The following CUX1 variants were observed in gnomAD, a reference collection of about 807,000 sequenced individuals.
CUX1 encodes protein CASP.
A neutral mutation model predicts 158.8 loss-of-function variants in CUX1; 31 were observed. The observed-to-expected ratio is 0.20, with a 90% confidence interval of 0.15 to 0.26. The LOEUF is 0.26. CUX1 is among the 10% of genes least tolerant of loss of function. The pLI, the probability that CUX1 is intolerant of heterozygous loss-of-function variation, is 1.00. For synonymous variants in CUX1, 879 were observed against 862.1 expected (o/e 1.02, Z -0.34); for missense variants, 1,589 against 2,014.6 (o/e 0.79, Z 4.04).
chr7:102,280,378 G>A (rs1554548913), intron 19 of CUX1, among the ~76,000 whole-genome samples: 2 of 152,204 alleles, frequency 1.3e-5, no homozygotes, highest in Non-Finnish European at 2.9e-5. Flanking sequence ...AGGAACACCT[G>A]CCGAGGACTA....
intron 2 of CUX1, among the ~76,000 whole-genome samples, chr7:102,019,601 C>G (rs1819100502): frequency 6.6e-6 from 1 of 152,242 alleles, no homozygotes. Flanking sequence ...CAGGGTACCC[C>G]TCGCTGCTTA....
chr7:102,026,992 G>A (rs1820111945), intron 2 of CUX1, among the ~76,000 whole-genome samples: 1 of 152,106 alleles, frequency 6.6e-6, no homozygotes, highest in African/African-American at 2.4e-5. Flanking sequence ...ATGTCCTGGT[G>A]TTTCGAAATG....
chr7:101,838,281 C>T (rs955773494), intron 1 of CUX1, among the ~76,000 whole-genome samples: 8 of 151,652 alleles, frequency 5.3e-5, no homozygotes, highest in African/African-American at 1.9e-4. Flanking sequence ...AGGCGCCTGC[C>T]ACCATGCCCG....
At chr7:102,105,426 T>C (rs1186260222) in intron 6 of CUX1, among the ~76,000 whole-genome samples, 2 of 151,516 alleles carry the variant, frequency 1.3e-5, no homozygotes, top group Non-Finnish European at 2.9e-5. Context: ...TTTCCCCTAG[T>C]GTGATGAGTT....
chr7:102,227,984 T>C (rs2132355513), intron 21 of CUX1, among the ~76,000 whole-genome samples: 1 of 138,208 alleles, frequency 7.2e-6, no homozygotes, highest in African/African-American at 2.7e-5. Flanking sequence ...ACAGTCTTGC[T>C]CTGTCACCCA....
chr7:102,119,409 A>G (rs1483187875), intron 8 of CUX1, among the ~76,000 whole-genome samples: 2 of 152,244 alleles, frequency 1.3e-5, no homozygotes, highest in Non-Finnish European at 2.9e-5. Context: ...TGTGGCAGAC[A>G]ACGGCAGTAA....
chr7:101,907,041 A>G (rs1393578117), intron 1 of CUX1, among the ~76,000 whole-genome samples: 1 of 152,160 alleles, frequency 6.6e-6, no homozygotes, highest in East Asian at 1.9e-4. Context: ...TTTTTATGAC[A>G]CAGTAGTGAA....
chr7:102,026,155 G>C (rs1819998714), intron 2 of CUX1, among the ~76,000 whole-genome samples: 1 of 152,008 alleles, frequency 6.6e-6, no homozygotes, highest in African/African-American at 2.4e-5. Context: ...CTCTAACCTG[G>C]ATGACAGAGC....
At chr7:102,013,445 C>T (rs888855387) in intron 2 of CUX1, among the ~76,000 whole-genome samples, 1 of 152,138 alleles carries the variant, frequency 6.6e-6, no homozygotes, top group Non-Finnish European at 1.5e-5. Flanking sequence ...ACAAAGAAGC[C>T]ATGTTGTGTA....
chr7:102,045,539 G>A (rs1775479738), intron 3 of CUX1, among the ~76,000 whole-genome samples: 1 of 152,260 alleles, frequency 6.6e-6, no homozygotes, highest in Non-Finnish European at 1.5e-5. Flanking sequence ...TAATTTTGTG[G>A]TCAGAAATAA....
Position 102,197,263 on chromosome 7 carries a change from CA to C in CUX1, c.1853del (p.Gln618ArgfsTer21). On this transcript the variant is annotated frameshift_variant, in exon 15 of 24. Transcript: ENST00000292535. LOFTEE classifies it high-confidence loss of function. ...HKMKQFLSDE[Q>X]NILALRSIQG... The stretch of plus-strand genomic sequence containing the variant: ...GATGAAACAGTTCCTCTCCGATGAG[CA>C]GAACATCCTGGCCCTCCGTAGCATC... The C allele has an allele frequency of 6.2e-7, 1 of 1,614,082 alleles. No homozygotes were observed. Among genetic ancestry groups the C allele is most frequent in the Non-Finnish European group, 8.5e-7 (1 of 1,179,990 alleles).
chr7:101,891,901 T>C (rs1800912679), intron 1 of CUX1, among the ~76,000 whole-genome samples: 1 of 152,272 alleles, frequency 6.6e-6, no homozygotes, highest in South Asian at 2.1e-4. Context: ...CATCATTTTC[T>C]CCACTGTATA....
intron 1 of CUX1, among the ~76,000 whole-genome samples, chr7:101,836,722 CT>C (rs1794677297): frequency 6.6e-6 from 1 of 150,626 alleles, no homozygotes; most frequent in Admixed American, 6.6e-5. Flanking sequence ...CTGGCTGTTC[CT>C]TCCCCACGGC....
upstream of CUX1, chr7:101,817,161 C>T (rs1791930573): frequency 4.1e-6 from 4 of 984,342 alleles, no homozygotes; most frequent in Non-Finnish European, 4.8e-6. This position sits in a 1 kb window ranked among gnomAD's most constrained non-coding sequence, Gnocchi z 4.1. Flanking sequence ...TGCAACTTTC[C>T]CCTAGGCAGG....
intron 19 of CUX1, chr7:102,280,706 G>A: frequency 1.6e-6 from 2 of 1,256,802 alleles, no homozygotes; most frequent in Admixed American, 3.7e-5. Context: ...AGAACAGCGG[G>A]CAGGGTGTCC....
In CUX1 at chr7:102,256,336, C is replaced by T. The variant is rs1789894005; in HGVS notation, c.*7294C>T. 1 of 984,322 alleles carries T rather than the reference C, an allele frequency of 1.0e-6. No individual in the cohort carries two copies. Among genetic ancestry groups the T allele is most frequent in the South Asian group, 4.7e-5 (1 of 21,256 alleles). 61.0% of individuals were successfully genotyped at this position (984,322 alleles called of 1,614,324 possible). On this transcript the variant is annotated 3_prime_UTR_variant, in exon 24 of 24. Transcript: ENST00000292535. ...TGAGAAAAAAAAAATTATTTCTATC[C>T]TCTTCTATTTATTATTAGGTTAATC...
intron 2 of CUX1, among the ~76,000 whole-genome samples, chr7:102,002,430 GGTGA>G (rs1690489227): frequency 1.3e-5 from 2 of 152,330 alleles, no homozygotes; most frequent in African/African-American, 4.8e-5. Context: ...GTGGGATTTG[GGTGA>G]GTTTTTTGCT....
In CUX1 at chr7:102,253,736, T is replaced by C. The variant is rs1310346791; in HGVS notation, c.*4694T>C. The C allele has an allele frequency of 1.0e-5, 10 of 985,308 alleles. No homozygotes were observed. Among genetic ancestry groups the C allele is most frequent in the Admixed American group, 6.1e-5 (1 of 16,266 alleles). 61.0% of individuals were successfully genotyped at this position (985,308 alleles called of 1,614,324 possible). ...GCAGACCAGTAAAAACAAAAGCCCA[T>C]AGACCTTACTCATCCCAAGGCCGAC... is the stretch of plus-strand genomic sequence containing the variant. On this transcript the variant is annotated 3_prime_UTR_variant, in exon 24 of 24. Transcript: ENST00000292535.
rs1795384768 is a variant in CUX1 at position 102,201,079 on chromosome 7, G to A, written c.2063-281G>A. ...ATTCTCGGGGAAAGGAGCCCCAGGA[G>A]GGCAGGTCGGGGAGCACTTTCACTG... On this transcript the variant is annotated intron_variant, in intron 17 of 23. Coordinates refer to ENST00000292535, the MANE Select transcript of CUX1 (RefSeq NM_181552.4). The surrounding 1 kb of genome is among the most constrained non-coding windows in gnomAD (Gnocchi z 5.0). Among the ~76,000 whole-genome samples, 1 of 149,980 alleles carries A rather than the reference G, an allele frequency of 6.7e-6. No homozygotes were observed. The highest frequency in any genetic ancestry group is 2.5e-5 in the African/African-American group (1 of 40,508).
Sources: allele counts gnomAD v4.1 joint callset (sites outside exome capture counted in the v4.1 genomes callset), GRCh38; gene constraint gnomAD v4.1.1; non-coding constraint Gnocchi (gnomAD v3.1); transcripts MANE v1.5; gene names NCBI Gene and HGNC (gene_info 2026-07-23, HGNC 2026-07-21).